Variants in RARB observed in about 807,000 individuals in gnomAD.
The protein encoded by RARB is HBV-activated protein.
A neutral mutation model predicts 51.9 loss-of-function variants in RARB; 17 were observed. The ratio of observed to expected loss-of-function variants is 0.33; its 90% CI spans 0.22 to 0.49. The LOEUF (loss-of-function observed/expected upper bound fraction) is 0.49, where lower values mean the gene tolerates loss of function less well. Ranked by LOEUF, RARB falls within the 20% of genes least tolerant of loss-of-function variation. The probability of loss-of-function intolerance (pLI) is 0.99; values close to 1 mark genes in which losing one functional copy is unlikely to be tolerated. For missense variants in RARB, 369 were observed against 550.8 expected, an observed-to-expected ratio of 0.67 and a Z score of 3.30; for synonymous variants, 215 against 195.4, an observed-to-expected ratio of 1.10 and a Z score of -0.84.
intron 2 of RARB, among the ~76,000 whole-genome samples, chr3:25,014,040 A>G (rs991442619): frequency 6.6e-6 from 1 of 152,144 alleles, no homozygotes; most frequent in African/African-American, 2.4e-5. Flanking sequence ...TTCTCTACTC[A>G]TGTGACAAGA....
At chr3:25,099,154 C>A (rs1446017146) in intron 3 of RARB, among the ~76,000 whole-genome samples, 1 of 152,128 alleles carries the variant, frequency 6.6e-6, no homozygotes, top group East Asian at 1.9e-4. Context: ...AAGATGGTAA[C>A]AGAACAGGTA....
chr3:24,997,382 C>CT (rs548388172), intron 2 of RARB, among the ~76,000 whole-genome samples: 257 of 141,900 alleles, frequency 1.8e-3, no homozygotes, highest in Middle Eastern at 7.2e-3. Context: ...CAAGTTGGGT[C>CT]TTTTTTTTTT....
rs60228466 is a variant in RARB, at chr3:25,511,753, C to A, written c.448+10430C>A. ...GTCAGATCCCACTGACATGCCCCTG[C>A]CTTACTGCCTGCCGCTAACCCTTCC... On this transcript the variant is annotated intron_variant, in intron 3 of 7. Transcript: ENST00000330688. Among the ~76,000 whole-genome samples, 1,247 of 152,276 alleles carry A rather than the reference C, an allele frequency of 8.2e-3. 48 individuals carry two copies. In the East Asian group the frequency reaches 0.12, roughly 14 times the overall value.
intron 5 of RARB, among the ~76,000 whole-genome samples, chr3:25,296,752 C>A (rs970111208): frequency 6.6e-6 from 1 of 152,106 alleles, no homozygotes; most frequent in Non-Finnish European, 1.5e-5. Flanking sequence ...ACCCATGAAC[C>A]GGTCCATGTA....
At chr3:25,539,720 G>T (rs1699297476) in intron 3 of RARB, among the ~76,000 whole-genome samples, 1 of 151,606 alleles carries the variant, frequency 6.6e-6, no homozygotes, top group Non-Finnish European at 1.5e-5. Context: ...CAGAGTACAG[G>T]AAAATGATCA....
chr3:25,556,119 T>A (rs1307455253), intron 3 of RARB, among the ~76,000 whole-genome samples: 1 of 152,172 alleles, frequency 6.6e-6, no homozygotes, highest in Admixed American at 6.5e-5. Flanking sequence ...ATGGTGGAGA[T>A]GGCTTTCTTT....
In RARB at chr3:25,464,621, G is replaced by A. The variant is rs190307456; in HGVS notation, c.306+3280G>A. ...AACTGAGAAACATGAGGAGGTAATG[G>A]TAAAATACAACAGCCAAAGAAAAAG... On this transcript the variant is annotated intron_variant, in intron 2 of 7. Transcript: ENST00000330688. Among the ~76,000 whole-genome samples, 126 of 151,718 alleles carry A rather than the reference G, an allele frequency of 8.3e-4. 1 individual carries two copies. The highest frequency in any genetic ancestry group is 2.9e-3 in the African/African-American group (120 of 41,340).
At chr3:25,005,583 G>T (rs1482960354) in intron 2 of RARB, among the ~76,000 whole-genome samples, 1 of 152,138 alleles carries the variant, frequency 6.6e-6, no homozygotes, top group African/African-American at 2.4e-5. Context: ...GAGATAGCAA[G>T]ATGGAAGCCA....
At chr3:24,989,049 C>G (rs374494769) in intron 2 of RARB, among the ~76,000 whole-genome samples, 38 of 152,234 alleles carry the variant, frequency 2.5e-4, no homozygotes, top group Non-Finnish European at 4.9e-4. Flanking sequence ...TGGTCTTGAA[C>G]TCCTGACCTT....
intron 2 of RARB, among the ~76,000 whole-genome samples, chr3:24,896,001 A>G (rs377388594): frequency 5.5e-4 from 84 of 152,348 alleles, no homozygotes; most frequent in African/African-American, 2.0e-3. Context: ...AATATTGTCT[A>G]TACATACAGT....
At chr3:25,357,041 T>G (rs1410466129) in intron 5 of RARB, among the ~76,000 whole-genome samples, 3 of 152,122 alleles carry the variant, frequency 2.0e-5, no homozygotes, top group South Asian at 4.1e-4. Flanking sequence ...CTAATGAGAT[T>G]GCTGGGTCAA....
At chr3:25,440,067 TC>T (rs1487053372) in intron 1 of RARB, among the ~76,000 whole-genome samples, 12 of 149,974 alleles carry the variant, frequency 8.0e-5, no homozygotes, top group Non-Finnish European at 1.6e-4. Context: ...AAGCCTAAGA[TC>T]AGTCTTAAAG....
chr3:25,057,785 A>C (rs949766194), intron 2 of RARB, among the ~76,000 whole-genome samples: 2 of 152,060 alleles, frequency 1.3e-5, no homozygotes, highest in Admixed American at 6.6e-5. Flanking sequence ...AGAAAGCTAA[A>C]CTATCATTTT....
chr3:25,267,958 A>G lies in RARB; in HGVS notation c.178+93383A>G, dbSNP rs1469952893. Among the ~76,000 whole-genome samples the G allele has an allele frequency of 2.0e-5, 3 of 152,210 alleles. 1 individual carries two copies. The highest frequency in any genetic ancestry group is 2.0e-4 in the Admixed American group (3 of 15,278). On this transcript the variant is annotated intron_variant, in intron 5 of 11. Coordinates refer to the RARB transcript ENST00000383772. ...TGTTGAAACTATATTCTTAATTTGG[A>G]TAATCTCTCTCAAGGTATTTTCAAA...
At chr3:24,882,110 A>G in intron 2 of RARB, among the ~76,000 whole-genome samples, 1 of 152,228 alleles carries the variant, frequency 6.6e-6, no homozygotes, top group East Asian at 1.9e-4. Flanking sequence ...GGAGGCTGAT[A>G]GGTAGAATGA....
At chr3:25,480,337 A>G (rs185373108) in intron 2 of RARB, among the ~76,000 whole-genome samples, 4 of 152,200 alleles carry the variant, frequency 2.6e-5, no homozygotes, top group African/African-American at 7.2e-5. Context: ...TTTAATCCTC[A>G]TAACAGCTCT....
rs577759734 is a variant in RARB at position 25,157,008 on chromosome 3, G to A, written c.-279-17111G>A. 3.9e-5 allele frequency among the ~76,000 whole-genome samples: 6 copies of A among 152,250 alleles called. No homozygotes were observed. In the South Asian group the frequency reaches 1.2e-3, roughly 32 times the overall value. On this transcript the variant is annotated intron_variant, in intron 4 of 11. Coordinates refer to the RARB transcript ENST00000383772. Reference sequence around the variant, plus strand: ...GCGGAAATAATGACCACGTTCATACGTTTGTCATTTTCTTAATAAATCTCC... The same window carrying A: ...GCGGAAATAATGACCACGTTCATACATTTGTCATTTTCTTAATAAATCTCC...
At chr3:25,128,957 G>A (rs1699902569) in intron 3 of RARB, among the ~76,000 whole-genome samples, 1 of 152,196 alleles carries the variant, frequency 6.6e-6, no homozygotes, top group African/African-American at 2.4e-5. Flanking sequence ...AGCTGTGGAA[G>A]TCAAAATGAT....
Position 25,416,480 on chromosome 3 carries a change from C to A in RARB, c.179-44713C>A, listed in dbSNP as rs549478639. Among the ~76,000 whole-genome samples, 17 of 152,238 alleles carry A rather than the reference C, an allele frequency of 1.1e-4. 1 individual carries two copies. In the South Asian group the frequency reaches 3.5e-3, roughly 32 times the overall value. ...AAGAAACGTTTGATATTATCCAGTTCCAGGACTGCCGCTAGATTTCATCTT... is the reference window on the plus strand; with the variant it reads ...AAGAAACGTTTGATATTATCCAGTTACAGGACTGCCGCTAGATTTCATCTT... On this transcript the variant is annotated intron_variant, in intron 5 of 11. Coordinates refer to the RARB transcript ENST00000383772.
Sources: allele counts gnomAD v4.1 joint callset (sites outside exome capture counted in the v4.1 genomes callset), GRCh38; gene constraint gnomAD v4.1.1; transcripts MANE v1.5; gene names NCBI Gene and HGNC (gene_info 2026-07-23, HGNC 2026-07-21).